DPP6: variants seen among roughly 807,000 people sequenced by gnomAD.
DPP6 encodes dipeptidyl peptidase like 6.
A neutral mutation model predicts 122.6 loss-of-function variants in DPP6; 69 were observed. That is an observed-to-expected ratio of 0.56 (90% CI 0.46 to 0.69). The LOEUF is 0.69. Among genes scored for constraint, DPP6 ranks in the 30% least tolerant of loss-of-function variants. The probability of loss-of-function intolerance (pLI) is 0.00; values close to 1 mark genes in which losing one functional copy is unlikely to be tolerated. For missense variants in DPP6, 928 were observed against 1,116.9 expected, an observed-to-expected ratio of 0.83 and a Z score of 2.41; for synonymous variants, 418 against 433.1, an observed-to-expected ratio of 0.97 and a Z score of 0.43.
intron 6 of DPP6, among the ~76,000 whole-genome samples, chr7:154,645,129 C>A (rs1836372986): frequency 1.4e-5 from 2 of 139,324 alleles, no homozygotes; most frequent in South Asian, 2.3e-4. Flanking sequence ...GTGGTGTGAT[C>A]TCTGCTCACT....
chr7:154,172,971 A>C (rs1372360956), intron 1 of DPP6, among the ~76,000 whole-genome samples: 1 of 152,164 alleles, frequency 6.6e-6, no homozygotes, highest in East Asian at 1.9e-4. Flanking sequence ...CTTCCTCAGG[A>C]AATGTATTTT....
chr7:154,504,017 C>G (rs1825468795), intron 3 of DPP6, among the ~76,000 whole-genome samples: 1 of 152,156 alleles, frequency 6.6e-6, no homozygotes, highest in Non-Finnish European at 1.5e-5. Flanking sequence ...AACAAAGTAT[C>G]CTTTTAGCTG....
At chr7:154,227,304 G>A (rs533823945) in intron 1 of DPP6, among the ~76,000 whole-genome samples, 169 of 150,486 alleles carry the variant, frequency 1.1e-3, no homozygotes, top group Non-Finnish European at 1.9e-3. Context: ...TGAACCTAGA[G>A]GACATTATAC....
chr7:154,646,078 C>A (rs1457833989), intron 6 of DPP6, among the ~76,000 whole-genome samples: 1 of 145,736 alleles, frequency 6.9e-6, no homozygotes, highest in Non-Finnish European at 1.5e-5. Context: ...ATGGTGGACA[C>A]CAAGACCTTC....
rs1232714050 is a variant in DPP6 at position 153,985,143 on chromosome 7, C to T, written c.51+97409C>T. 2.0e-5 allele frequency among the ~76,000 whole-genome samples: 3 copies of T among 152,206 alleles called. No individual in the cohort carries two copies. The East Asian group carries it at 5.8e-4, about 29-fold the overall frequency. On this transcript the variant is annotated intron_variant, in intron 1 of 25. Transcript: ENST00000404039. ...CCATGTGATGTGTCTTTCTATTTTC[C>T]AATGAGAGTGGAGGTCCATGTTTTA...
intron 7 of DPP6, among the ~76,000 whole-genome samples, chr7:154,718,608 T>A (rs1157019600): frequency 9.3e-5 from 14 of 151,312 alleles, no homozygotes; most frequent in Non-Finnish European, 1.5e-5. Context: ...TAAAGCTGGC[T>A]TGCCTGGGTT....
intron 16 of DPP6, among the ~76,000 whole-genome samples, chr7:154,827,896 A>C (rs1800305186): frequency 6.6e-6 from 1 of 152,258 alleles, no homozygotes; most frequent in African/African-American, 2.4e-5. Context: ...AGATCAAGTA[A>C]GAACAGTAAA....
At chr7:154,793,957 G>C in intron 10 of DPP6, 122 bp from the exon 11 acceptor site, 1 of 1,432,516 alleles carries the variant, frequency 7.0e-7, no homozygotes, top group Admixed American at 2.5e-5. Context: ...CAGGCTGGCT[G>C]TGTCACCACT....
At chr7:153,991,107 C>A (rs1304055903) in intron 1 of DPP6, among the ~76,000 whole-genome samples, 2 of 152,028 alleles carry the variant, frequency 1.3e-5, no homozygotes, top group Non-Finnish European at 2.9e-5. Context: ...TCCCTTATGC[C>A]GTAAAGGCCA....
intron 1 of DPP6, among the ~76,000 whole-genome samples, chr7:154,124,926 C>T (rs975460622): frequency 7.9e-5 from 12 of 152,174 alleles, no homozygotes; most frequent in African/African-American, 2.2e-4. Flanking sequence ...TGAATGACCA[C>T]ACCTAGGAAG....
At chr7:154,262,219 C>T (rs897842052) in intron 1 of DPP6, among the ~76,000 whole-genome samples, 13 of 152,182 alleles carry the variant, frequency 8.5e-5, no homozygotes, top group East Asian at 1.9e-4. Flanking sequence ...ACTGGGAGGG[C>T]GGAGTGTTGT....
intron 16 of DPP6, among the ~76,000 whole-genome samples, chr7:154,827,520 G>T (rs1199837323): frequency 6.6e-6 from 1 of 152,080 alleles, no homozygotes; most frequent in African/African-American, 2.4e-5. Context: ...AGGAAGAGAG[G>T]GCGTCTGCGC....
intron 1 of DPP6, among the ~76,000 whole-genome samples, chr7:154,085,453 A>G (rs111581201): frequency 1.3e-5 from 2 of 152,232 alleles, no homozygotes; most frequent in Non-Finnish European, 2.9e-5. Flanking sequence ...TAAGCATTTT[A>G]TACCTCTTTT....
chr7:154,285,581 A>G (rs573788490), intron 1 of DPP6, among the ~76,000 whole-genome samples: 3 of 152,160 alleles, frequency 2.0e-5, no homozygotes, highest in Non-Finnish European at 4.4e-5. Flanking sequence ...TAGTTTTATT[A>G]TATCATTTTA....
At chr7:153,762,357 A>T in the DPP6 span, among the ~76,000 whole-genome samples, 1 of 152,202 alleles carries the variant, frequency 6.6e-6, no homozygotes, top group Admixed American at 6.5e-5. Flanking sequence ...CTTCCATCCT[A>T]TGTAGGCTTT....
intron 1 of DPP6, among the ~76,000 whole-genome samples, chr7:153,964,827 CT>C (rs200240706): frequency 1.7e-4 from 22 of 130,136 alleles, no homozygotes; most frequent in Middle Eastern, 3.6e-3. Flanking sequence ...CTTTCCTTTC[CT>C]TTTCCTTTTC....
intron 3 of DPP6, among the ~76,000 whole-genome samples, chr7:154,490,506 A>G (rs1184152264): frequency 6.6e-6 from 1 of 152,214 alleles, no homozygotes; most frequent in Non-Finnish European, 1.5e-5. Flanking sequence ...GGGCAGCCAG[A>G]TGGAGTGTGA....
At chr7:154,274,679 AC>A in intron 1 of DPP6, among the ~76,000 whole-genome samples, 1 of 152,308 alleles carries the variant, frequency 6.6e-6, no homozygotes, top group East Asian at 1.9e-4. Flanking sequence ...GGCACTAGTT[AC>A]CAAAATCTGC....
chr7:154,127,674 C>CACACACACAT (rs1244574560), intron 1 of DPP6, among the ~76,000 whole-genome samples: 6 of 148,044 alleles, frequency 4.1e-5, no homozygotes, highest in South Asian at 2.2e-4. Context: ...CACACACACA[C>CACACACACAT]ACAAAACAGC....
Sources: gnomAD v4.1 joint callset for allele counts (sites outside exome capture counted in the v4.1 genomes callset) on GRCh38, gnomAD v4.1.1 for gene constraint, MANE v1.5 for transcripts, NCBI Gene and HGNC (gene_info 2026-07-23, HGNC 2026-07-21) for gene names.